Variants in PCCB observed in about 807,000 individuals in gnomAD.
PCCB encodes the protein propionyl-CoA carboxylase subunit beta, also known as propionyl-CoA carboxylase beta chain, mitochondrial.
PCCB carries 43 observed loss-of-function variants against 60.7 expected under a neutral mutation model. That is an observed-to-expected ratio of 0.71 (90% CI 0.55 to 0.91). The LOEUF is 0.91. Among genes scored for constraint, PCCB ranks in the 40% least tolerant of loss-of-function variants. The probability of loss-of-function intolerance (pLI) is 0.00; values close to 1 mark genes in which losing one functional copy is unlikely to be tolerated. For synonymous variants in PCCB, 276 were observed against 255.9 expected (o/e 1.08, Z -0.75); for missense variants, 766 against 702.8 (o/e 1.09, Z -1.02).
intron 3 of PCCB, chr3:136,260,071 TG>T (rs1377232606): frequency 2.2e-5 from 6 of 269,862 alleles, no homozygotes; most frequent in Non-Finnish European, 2.1e-5. Flanking sequence ...TGTTTTGTTT[TG>T]TTTTGTTTTG....
rs935523721 is a variant in PCCB at position 136,303,658 on chromosome 3, C to T, written c.966+2547C>T. On this transcript the variant is annotated intron_variant, in intron 9 of 14. Transcript: ENST00000251654. ...TGCTCTTGTCACCCAAGCTGGAATG[C>T]GGTGGCACAATCTCTACTCACTGCA... 1.3e-4 allele frequency among the ~76,000 whole-genome samples: 16 copies of T among 121,678 alleles called. 1 individual carries two copies. In the Admixed American group the frequency reaches 1.5e-3, roughly 11 times the overall value. The allele number at this position is 121,678 out of a possible 152,430, so 79.8% of individuals were successfully genotyped here. A position where few individuals can be genotyped will look rare whatever the true frequency, so the allele number is the denominator to read the frequency against.
chr3:136,328,892 G>C (rs1935431889), intron 14 of PCCB, 35 bp downstream of exon 14: 2 of 1,503,262 alleles, frequency 1.3e-6, no homozygotes, highest in African/African-American at 1.4e-5. Flanking sequence ...AGCTTTGTTT[G>C]TTTGGTCAAC....
At chr3:136,327,533 T>C in intron 12 of PCCB, 101 bp from the exon 13 acceptor site, 1 of 904,002 alleles carries the variant, frequency 1.1e-6, no homozygotes, top group East Asian at 2.4e-5. Context: ...AGTAGGGCTA[T>C]TCTTGTTCTT....
In PCCB at chr3:136,329,973, G is replaced by T. The variant is rs1935481913; in HGVS notation, c.1567G>T (p.Ala523Ser). 1 of 1,614,140 alleles carries T rather than the reference G, an allele frequency of 6.2e-7. No homozygotes were observed. Among genetic ancestry groups the T allele is most frequent in the East Asian group, 2.2e-5 (1 of 44,886 alleles). Residue 523 changes from alanine to serine, a missense_variant, in exon 15 of 15, where the codon GCC becomes TCC. Transcript: ENST00000251654. ...ARICCDLDVL[A>S]SKKVQRPWRK... ...AATCTGCTGTGACCTGGATGTCTTGGCCAGCAAGAAGGTACAACGTCCTTG... is the reference window on the plus strand; with the variant it reads ...AATCTGCTGTGACCTGGATGTCTTGTCCAGCAAGAAGGTACAACGTCCTTG...
At chr3:136,272,861 T>C (rs1942236747) in intron 5 of PCCB, among the ~76,000 whole-genome samples, 1 of 152,134 alleles carries the variant, frequency 6.6e-6, no homozygotes, top group African/African-American at 2.4e-5. Context: ...TCTGCTGGCA[T>C]TGGGTTTAGT....
chr3:136,257,333 C>T (rs1296810304), intron 3 of PCCB, among the ~76,000 whole-genome samples: 1 of 152,150 alleles, frequency 6.6e-6, no homozygotes, highest in Non-Finnish European at 1.5e-5. Flanking sequence ...CAAAGGAGTG[C>T]CCATGGTCTC....
intron 5 of PCCB, among the ~76,000 whole-genome samples, chr3:136,283,112 C>G (rs1490793433): frequency 6.6e-6 from 1 of 152,160 alleles, no homozygotes; most frequent in Admixed American, 6.5e-5. Context: ...CCAAGGCAGG[C>G]TGAAAAGTGA....
intron 10 of PCCB, among the ~76,000 whole-genome samples, chr3:136,321,905 T>C (rs1244590803): frequency 6.6e-6 from 1 of 152,264 alleles, no homozygotes; most frequent in Non-Finnish European, 1.5e-5. Context: ...AGATTTTCTG[T>C]ATGGACAATT....
At chr3:136,256,735 A>G (rs1941680430) in intron 3 of PCCB, 112 bp downstream of exon 3, 2 of 790,740 alleles carry the variant, frequency 2.5e-6, no homozygotes, top group Admixed American at 3.8e-5. Flanking sequence ...TTTGGGGAAA[A>G]TGAGGGATTT....
intron 5 of PCCB, among the ~76,000 whole-genome samples, chr3:136,272,958 C>T (rs1265880721): frequency 6.6e-6 from 1 of 152,136 alleles, no homozygotes; most frequent in Non-Finnish European, 1.5e-5. Context: ...GTACTTAAAA[C>T]TATGAACTTT....
chr3:136,315,605 T>C (rs908413955), intron 9 of PCCB, among the ~76,000 whole-genome samples: 7 of 150,778 alleles, frequency 4.6e-5, no homozygotes, highest in African/African-American at 1.2e-4. Context: ...CTGAGGCAGG[T>C]GGATTGCGTG....
At chr3:136,302,980 A>C (rs915069678) in intron 9 of PCCB, among the ~76,000 whole-genome samples, 4 of 122,348 alleles carry the variant, frequency 3.3e-5, no homozygotes, top group African/African-American at 1.0e-4. Context: ...TTTACTTGGG[A>C]GGCTGAGATG....
rs371359340 is a variant in PCCB, at chr3:136,279,753, C to T, written c.544-4084C>T. On this transcript the variant is annotated intron_variant, in intron 5 of 14. Transcript: ENST00000251654. Reference sequence around the variant, plus strand: ...CGTGATCTCGACTCACTGCAAGCTCCGCCTCCCAGGTTCACGCCATTCTCC... The same window carrying T: ...CGTGATCTCGACTCACTGCAAGCTCTGCCTCCCAGGTTCACGCCATTCTCC... Among the ~76,000 whole-genome samples, 18 of 152,072 alleles carry T rather than the reference C, an allele frequency of 1.2e-4. No homozygotes were observed. The East Asian group carries it at 1.4e-3, about 11-fold the overall frequency.
chr3:136,326,369 T>C, intron 10 of PCCB: 1 of 702,912 alleles, frequency 1.4e-6, no homozygotes, highest in Non-Finnish European at 2.6e-6. Flanking sequence ...GGAGGCAGTA[T>C]CGTCCCTACT....
At chr3:136,257,672 C>G (rs142233905) in intron 3 of PCCB, among the ~76,000 whole-genome samples, 160 of 152,278 alleles carry the variant, frequency 1.1e-3, no homozygotes, top group Non-Finnish European at 1.9e-3. Context: ...CGTGGTGGCT[C>G]ATGCCTGTAG....
Position 136,253,453 on chromosome 3 carries a change from T to C in PCCB, c.184-2403T>C, listed in dbSNP as rs567013086. Reference sequence around the variant, plus strand: ...AGGCTGGAGTGCGGTGGAGTGATCGTGGCTCACTACAACCTCTGCTTCCCA... The same window carrying C: ...AGGCTGGAGTGCGGTGGAGTGATCGCGGCTCACTACAACCTCTGCTTCCCA... On this transcript the variant is annotated intron_variant, in intron 1 of 14. Transcript: ENST00000251654. Among the ~76,000 whole-genome samples, 452 of 151,848 alleles carry C rather than the reference T, an allele frequency of 3.0e-3. 4 individuals are homozygous for C. Among genetic ancestry groups the C allele is most frequent in the Non-Finnish European group, 4.5e-3 (305 of 67,854 alleles).
chr3:136,322,029 G>GT (rs1409497188), intron 10 of PCCB, among the ~76,000 whole-genome samples: 4 of 152,182 alleles, frequency 2.6e-5, no homozygotes, highest in Non-Finnish European at 2.9e-5. Flanking sequence ...AAAGATAGTG[G>GT]TGAGGGGACA....
chr3:136,269,957 ATTCT>A (rs1942144892), intron 5 of PCCB, among the ~76,000 whole-genome samples: 1 of 148,216 alleles, frequency 6.7e-6, no homozygotes, highest in Non-Finnish European at 1.5e-5. Context: ...GAAAGCATTC[ATTCT>A]TCACCATTAA....
At chr3:136,299,400 TTATGTATATGCATATGTATGTA>T (rs1346548211) in intron 8 of PCCB, among the ~76,000 whole-genome samples, 1 of 151,974 alleles carries the variant, frequency 6.6e-6, no homozygotes. Flanking sequence ...ATATGTATGC[TTATGTATATGCATATGTATGTA>T]TATGTATGCT....
Sources: gnomAD v4.1 joint callset for allele counts (sites outside exome capture counted in the v4.1 genomes callset) on GRCh38, gnomAD v4.1.1 for gene constraint, MANE v1.5 for transcripts, NCBI Gene and HGNC (gene_info 2026-07-23, HGNC 2026-07-21) for gene names.